The following IL1RAPL2 variants were observed in gnomAD, a reference collection of about 807,000 sequenced individuals.
IL1RAPL2 encodes the protein interleukin 1 receptor accessory protein like 2.
A neutral mutation model predicts 44.1 loss-of-function variants in IL1RAPL2; 3 were observed. The ratio of observed to expected loss-of-function variants is 0.07; its 90% CI spans 0.03 to 0.18. The LOEUF (loss-of-function observed/expected upper bound fraction) is 0.18. Ranked by LOEUF, IL1RAPL2 falls within the 10% of genes least tolerant of loss-of-function variation. IL1RAPL2 has a pLI of 1.00. For missense variants in IL1RAPL2, 391 were observed against 496.4 expected (o/e 0.79, Z 2.02); for synonymous variants, 181 against 178.8 (o/e 1.01, Z -0.10).
chrX:105,237,918 CTCAT>C (rs782091985), intron 4 of IL1RAPL2, among the ~76,000 whole-genome samples: 3 of 111,859 alleles, frequency 2.7e-5, no homozygotes, highest in East Asian at 5.6e-4. Context: ...TATTCTGGTG[CTCAT>C]TCAAAGTTAG....
chrX:104,637,794 G>GTGTGTC (rs1368562971), intron 1 of IL1RAPL2, among the ~76,000 whole-genome samples: 2 of 108,628 alleles, frequency 1.8e-5, no homozygotes, highest in African/African-American at 6.8e-5. Flanking sequence ...GTGTGTGTGT[G>GTGTGTC]TGTGTGTCTG....
intron 10 of IL1RAPL2, among the ~76,000 whole-genome samples, chrX:105,766,716 C>T (rs1038411646): frequency 9.1e-5 from 10 of 110,179 alleles, no homozygotes; most frequent in Admixed American, 8.8e-4. Context: ...TACACCTAAG[C>T]TCTGAAGAAG....
intron 2 of IL1RAPL2, among the ~76,000 whole-genome samples, chrX:105,009,071 A>G (rs1053882041): frequency 9.8e-5 from 11 of 111,864 alleles, no homozygotes; most frequent in Non-Finnish European, 1.9e-4. Flanking sequence ...ACCAGTTAGA[A>G]TGGCGAGTAT....
At chrX:105,066,745 C>A (rs1161350916) in intron 2 of IL1RAPL2, among the ~76,000 whole-genome samples, 1 of 111,474 alleles carries the variant, frequency 9.0e-6, no homozygotes, top group East Asian at 2.8e-4. Flanking sequence ...ATGAAGGAGG[C>A]AAATTAGGGC....
intron 6 of IL1RAPL2, among the ~76,000 whole-genome samples, chrX:105,665,726 G>GTTTTTTTTTTT (rs745949698): frequency 1.1e-4 from 8 of 75,197 alleles, no homozygotes; most frequent in African/African-American, 3.7e-4. Flanking sequence ...TTTTATTTTT[G>GTTTTTTTTTTT]TTTTTTTGTT....
chrX:105,087,037 G>A (rs1376561585), intron 2 of IL1RAPL2, among the ~76,000 whole-genome samples: 1 of 110,790 alleles, frequency 9.0e-6, no homozygotes, highest in Non-Finnish European at 1.9e-5. Context: ...ATTTTAGAAA[G>A]TTGTCCAAGA....
chrX:104,947,102 A>G (rs1184778476), intron 2 of IL1RAPL2, among the ~76,000 whole-genome samples: 4 of 111,131 alleles, frequency 3.6e-5, no homozygotes, highest in Non-Finnish European at 5.7e-5. Flanking sequence ...TTTAATGATC[A>G]CCATTCTAAC....
chrX:105,169,695 A>AT (rs1027735204), intron 2 of IL1RAPL2, among the ~76,000 whole-genome samples: 7 of 105,557 alleles, frequency 6.6e-5, no homozygotes, highest in Non-Finnish European at 7.7e-5. Flanking sequence ...CACCTGGCTA[A>AT]TTTTTTTTAT....
intron 5 of IL1RAPL2, among the ~76,000 whole-genome samples, chrX:105,323,406 G>A (rs2034910787): frequency 1.8e-5 from 2 of 111,625 alleles, no homozygotes; most frequent in Non-Finnish European, 3.8e-5. Flanking sequence ...GCAAGGAGCG[G>A]TTAAGTCAGA....
At chrX:105,297,525 G>A (rs897734528) in intron 5 of IL1RAPL2, among the ~76,000 whole-genome samples, 2 of 110,567 alleles carry the variant, frequency 1.8e-5, no homozygotes, top group Non-Finnish European at 3.8e-5. Context: ...GCGAAGGGGA[G>A]GCAGGCACCT....
chrX:104,597,065 G>A (rs1331140775), intron 1 of IL1RAPL2, among the ~76,000 whole-genome samples: 1 of 111,319 alleles, frequency 9.0e-6, no homozygotes, highest in Non-Finnish European at 1.9e-5. Flanking sequence ...GCCAGGCATG[G>A]TGTCTCACGC....
chrX:105,127,387 C>T (rs957270174), intron 2 of IL1RAPL2, among the ~76,000 whole-genome samples: 10 of 111,174 alleles, frequency 9.0e-5, no homozygotes, highest in African/African-American at 2.6e-4. Flanking sequence ...TTAATTTATG[C>T]GTAGGTATCT....
chrX:105,750,750 T>G (rs2038590390), intron 9 of IL1RAPL2, among the ~76,000 whole-genome samples: 1 of 110,201 alleles, frequency 9.1e-6, no homozygotes. Flanking sequence ...TAAGGCCTAT[T>G]CCAATAATTA....
intron 2 of IL1RAPL2, among the ~76,000 whole-genome samples, chrX:105,182,627 A>C (rs868928508): frequency 8.9e-6 from 1 of 111,741 alleles, no homozygotes; most frequent in Non-Finnish European, 1.9e-5. Flanking sequence ...TTTGTTTATA[A>C]TCAAGGTTAT....
intron 5 of IL1RAPL2, among the ~76,000 whole-genome samples, chrX:105,479,409 G>A (rs2036218402): frequency 9.0e-6 from 1 of 111,318 alleles, no homozygotes; most frequent in Non-Finnish European, 1.9e-5. Context: ...AAAGTAAGTT[G>A]TCTATAGCAT....
At position 104,949,889 on chromosome X, in the gene IL1RAPL2, T is replaced by C. The variant is rs764414931; in HGVS notation, c.83-245586T>C. On this transcript the variant is annotated intron_variant, in intron 2 of 10. Transcript: ENST00000372582. The stretch of plus-strand genomic sequence containing the variant: ...GTGGTGTGGTGCTGAAAAAAATGTA[T>C]ATTCTGTTTTTTTGGGGTGGAGAGT... Among the ~76,000 whole-genome samples, 141 of 111,615 alleles carry C rather than the reference T, an allele frequency of 1.3e-3. 1 individual carries two copies. The highest frequency in any genetic ancestry group is 4.6e-3 in the Middle Eastern group (1 of 217).
At chrX:105,682,248 TAA>T (rs765966047) in intron 6 of IL1RAPL2, among the ~76,000 whole-genome samples, 102 of 111,983 alleles carry the variant, frequency 9.1e-4, no homozygotes, top group Non-Finnish European at 1.2e-3. Flanking sequence ...TTGAGATATA[TAA>T]GTCTGAAATA....
At chrX:105,550,780 A>G (rs2036845526) in intron 6 of IL1RAPL2, among the ~76,000 whole-genome samples, 1 of 55,940 alleles carries the variant, frequency 1.8e-5, no homozygotes, top group Non-Finnish European at 2.9e-5. Context: ...ACCATGGGAC[A>G]AAATGTCTGG....
chrX:105,138,473 C>CAA (rs371757842), intron 2 of IL1RAPL2, among the ~76,000 whole-genome samples: 3 of 54,479 alleles, frequency 5.5e-5, no homozygotes, highest in African/African-American at 6.9e-5. Context: ...ATATAATTAC[C>CAA]AAAAAAAAAA....
Sources: allele counts gnomAD v4.1 joint callset (sites outside exome capture counted in the v4.1 genomes callset), GRCh38; gene constraint gnomAD v4.1.1; transcripts MANE v1.5; gene names NCBI Gene and HGNC (gene_info 2026-07-23, HGNC 2026-07-21).